Variants in EXOC2 observed in about 807,000 individuals in gnomAD.
EXOC2 encodes the protein SEC5-like 1.
Under a neutral mutation model 131.8 loss-of-function variants are expected in EXOC2, and 70 were observed. The observed-to-expected ratio is 0.53, with a 90% CI of 0.44 to 0.65. The LOEUF (loss-of-function observed/expected upper bound fraction) is 0.65, where lower values mean the gene tolerates loss of function less well. Ranked by LOEUF, EXOC2 falls within the 30% of genes least tolerant of loss-of-function variation. The pLI, the probability that EXOC2 is intolerant of heterozygous loss-of-function variation, is 0.00. For synonymous variants in EXOC2, 411 were observed against 398.4 expected (o/e 1.03, Z -0.38); for missense variants, 923 against 1,108.6 (o/e 0.83, Z 2.38).
At chr6:530,586 G>A (rs1047369347) in intron 23 of EXOC2, among the ~76,000 whole-genome samples, 2 of 152,228 alleles carry the variant, frequency 1.3e-5, no homozygotes, top group African/African-American at 4.8e-5. Flanking sequence ...GGCCCGGAAG[G>A]GCAGGAGAGG....
rs894148687 is a variant in EXOC2 at position 643,295 on chromosome 6, G to C, written c.-43-5434C>G. 3.3e-5 allele frequency among the ~76,000 whole-genome samples: 5 copies of C among 152,112 alleles called. No individual in the cohort carries two copies. In the East Asian group the frequency reaches 9.6e-4, roughly 29 times the overall value. ...TAAAACTCCTTTTCAGGTGCTCATGGAATGTTCACCAAGATAGACGATATG... is the reference window on the plus strand; with the variant it reads ...TAAAACTCCTTTTCAGGTGCTCATGCAATGTTCACCAAGATAGACGATATG... On this transcript the variant is annotated intron_variant, in intron 1 of 27. Transcript: ENST00000230449.
At chr6:529,196 T>G (rs1450793709) in intron 23 of EXOC2, among the ~76,000 whole-genome samples, 1 of 151,672 alleles carries the variant, frequency 6.6e-6, no homozygotes, top group Non-Finnish European at 1.5e-5. Flanking sequence ...CAGCAGCCCC[T>G]GCACTTGAAG....
At chr6:648,708 T>C (rs1762689544) in intron 1 of EXOC2, among the ~76,000 whole-genome samples, 1 of 141,914 alleles carries the variant, frequency 7.0e-6, no homozygotes, top group South Asian at 2.2e-4. Context: ...CACAAACTTT[T>C]AAAAACTCTT....
At chr6:540,295 A>G (rs1766735523) in intron 22 of EXOC2, among the ~76,000 whole-genome samples, 1 of 152,136 alleles carries the variant, frequency 6.6e-6, no homozygotes, top group Non-Finnish European at 1.5e-5. Context: ...CACATCCTAT[A>G]TATTAGGCTT....
intron 6 of EXOC2, among the ~76,000 whole-genome samples, chr6:613,072 G>A (rs1380999294): frequency 1.3e-5 from 2 of 152,142 alleles, no homozygotes; most frequent in Non-Finnish European, 2.9e-5. Flanking sequence ...GGACCAGCGT[G>A]AGCAGTATCT....
chr6:593,519 T>C (rs1326846784), intron 10 of EXOC2, among the ~76,000 whole-genome samples: 2 of 152,230 alleles, frequency 1.3e-5, no homozygotes, highest in Non-Finnish European at 1.5e-5. Flanking sequence ...TCTTTGTCTA[T>C]AAAACACCCA....
intron 22 of EXOC2, among the ~76,000 whole-genome samples, chr6:544,824 G>A (rs141156697): frequency 1.7e-3 from 264 of 152,298 alleles, no homozygotes; most frequent in African/African-American, 6.1e-3. Context: ...CTTTCACGCC[G>A]GAGTTTCTCA....
chr6:490,958 C>A (rs1763394342), intron 26 of EXOC2, among the ~76,000 whole-genome samples, 167 bp downstream of exon 26: 1 of 152,170 alleles, frequency 6.6e-6, no homozygotes, highest in South Asian at 2.1e-4. Context: ...TTATATTAAA[C>A]CCCTTTCATT....
chr6:564,560 G>A lies in EXOC2; in HGVS notation c.1652C>T (p.Ala551Val), dbSNP rs777980286. The change falls in exon 15 of 28, where the codon GCC (alanine) becomes GTC (valine). Residue 551 changes from alanine (A) to valine (V), a missense_variant. By Grantham distance (64) the Ala-to-Val change is moderately conservative. Transcript: ENST00000230449. ...CELSGQWLAHAIQTVRLTHES... is the reference protein window; with the variant it reads ...CELSGQWLAHVIQTVRLTHES... ...CCATACTCACCTTACAGTCTGGATG[G>A]CGTGAGCGAGCCACTGTCCGGAGAG... 6.2e-7 allele frequency: 1 copy of A among 1,614,122 alleles called. No individual in the cohort carries two copies. Among genetic ancestry groups the A allele is most frequent in the Admixed American group, 1.7e-5 (1 of 60,030 alleles).
intron 7 of EXOC2, among the ~76,000 whole-genome samples, chr6:608,830 T>C (rs978141867): frequency 1.3e-5 from 2 of 152,222 alleles, no homozygotes; most frequent in African/African-American, 4.8e-5. Context: ...TATACAGATA[T>C]CATAGTTTGA....
At chr6:563,478 T>C (rs1322712096) in intron 16 of EXOC2, among the ~76,000 whole-genome samples, 1 of 152,252 alleles carries the variant, frequency 6.6e-6, no homozygotes, top group Non-Finnish European at 1.5e-5. Flanking sequence ...AGTAAAGGCC[T>C]GTGCCATTTT....
intron 11 of EXOC2, among the ~76,000 whole-genome samples, chr6:580,439 T>C (rs1043077685): frequency 1.3e-5 from 2 of 152,232 alleles, no homozygotes; most frequent in African/African-American, 4.8e-5. Flanking sequence ...AGAGGTTACT[T>C]GTTCTCTTGG....
chr6:502,841 A>C (rs1764307592), intron 23 of EXOC2, among the ~76,000 whole-genome samples: 1 of 152,238 alleles, frequency 6.6e-6, no homozygotes, highest in Non-Finnish European at 1.5e-5. Flanking sequence ...CCCTCACACA[A>C]AAAAACGAAA....
chr6:677,984 C>G (rs1764231847), intron 1 of EXOC2, among the ~76,000 whole-genome samples: 1 of 151,932 alleles, frequency 6.6e-6, no homozygotes, highest in African/African-American at 2.4e-5. Flanking sequence ...TTGTCACTCA[C>G]ATATGAAAAG....
At chr6:677,180 C>T (rs1210357708) in intron 1 of EXOC2, among the ~76,000 whole-genome samples, 1 of 125,094 alleles carries the variant, frequency 8.0e-6, no homozygotes, top group Non-Finnish European at 1.8e-5. Flanking sequence ...GTTCCCCATA[C>T]TCTTCAGCAT....
chr6:649,493 C>T (rs1389848109), intron 1 of EXOC2, among the ~76,000 whole-genome samples: 2 of 151,678 alleles, frequency 1.3e-5, no homozygotes, highest in Non-Finnish European at 2.9e-5. Flanking sequence ...CTATCCATTA[C>T]CAAAGAGAAT....
chr6:684,356 T>C (rs1454825923), intron 1 of EXOC2, among the ~76,000 whole-genome samples: 1 of 152,142 alleles, frequency 6.6e-6, no homozygotes, highest in Non-Finnish European at 1.5e-5. Context: ...TACTCCCCCA[T>C]ACCAATTTAG....
intron 7 of EXOC2, among the ~76,000 whole-genome samples, chr6:605,514 T>C (rs1289026098): frequency 1.3e-5 from 2 of 152,236 alleles, no homozygotes; most frequent in Admixed American, 6.5e-5. Flanking sequence ...TATTCTCTGA[T>C]GGTAGTTTGT....
At position 491,186 on chromosome 6, in the gene EXOC2, C is replaced by T; in HGVS notation, c.2560G>A (p.Ala854Thr). The T allele has an allele frequency of 6.2e-7, 1 of 1,613,972 alleles. No homozygotes were observed. The highest frequency in any genetic ancestry group is 8.5e-7 in the Non-Finnish European group (1 of 1,179,984). The stretch of plus-strand genomic sequence containing the variant: ...CTCAAAGCACAGATTTCAAGTCTCG[C>T]CTGAAAATGAGAAAAAGACAAAGTG... ...SSFSKNGALQ[A>T]RLEICALRDT... The change falls in exon 26 of 28, where the codon GCG becomes ACG. Residue 854 changes from alanine (A) to threonine (T), a missense_variant and splice_region_variant. Coordinates refer to ENST00000230449, the MANE Select transcript of EXOC2 (RefSeq NM_018303.6).
Sources: gnomAD v4.1 joint callset for allele counts (sites outside exome capture counted in the v4.1 genomes callset) on GRCh38, gnomAD v4.1.1 for gene constraint, MANE v1.5 for transcripts, NCBI Gene and HGNC (gene_info 2026-07-23, HGNC 2026-07-21) for gene names.